The following MAP2K5 variants were observed in gnomAD, a reference collection of about 807,000 sequenced individuals.
MAP2K5 encodes mitogen-activated protein kinase kinase 5, also known as dual specificity mitogen-activated protein kinase kinase 5.
Under a neutral mutation model 83.1 loss-of-function variants are expected in MAP2K5, and 49 were observed. The ratio of observed to expected loss-of-function variants is 0.59; its 90% confidence interval spans 0.47 to 0.75. MAP2K5 has a LOEUF of 0.75. Ranked by LOEUF, MAP2K5 falls within the 30% of genes least tolerant of loss-of-function variation. MAP2K5 has a pLI of 0.00. For synonymous variants in MAP2K5, 202 were observed against 191.8 expected (o/e 1.05, Z -0.44); for missense variants, 457 against 557.5 (o/e 0.82, Z 1.82).
chr15:67,707,324 G>A (rs549793286), intron 16 of MAP2K5, among the ~76,000 whole-genome samples: 10 of 152,280 alleles, frequency 6.6e-5, no homozygotes, highest in Admixed American at 2.0e-4. Flanking sequence ...TGTTTTTACC[G>A]TAGTATGTTA....
chr15:67,664,488 G>T, intron 12 of MAP2K5, 109 bp from the exon 13 acceptor site: 1 of 659,036 alleles, frequency 1.5e-6, no homozygotes, highest in Non-Finnish European at 2.6e-6. Flanking sequence ...AGGTGACAGG[G>T]TGACACCCTG....
intron 8 of MAP2K5, among the ~76,000 whole-genome samples, chr15:67,608,537 G>T (rs1467823981): frequency 6.6e-6 from 1 of 152,158 alleles, no homozygotes; most frequent in South Asian, 2.1e-4. Flanking sequence ...GCACAGATCT[G>T]GGGGGCTGAG....
rs561270174 is a variant in MAP2K5, at chr15:67,543,279, C to G, written c.-57C>G. ...CCTTGTCACCTCTTGGAGCCCCCTC[C>G]TAACCAGCGGCCAGTGGGTTTCCCA... On this transcript the variant is annotated 5_prime_UTR_variant, in exon 1 of 22. Coordinates refer to ENST00000178640, the MANE Select transcript of MAP2K5 (RefSeq NM_145160.3). The surrounding 1 kb of genome is among the most constrained non-coding windows in gnomAD (Gnocchi z 4.3). 10 of 1,604,240 alleles carry G rather than the reference C, an allele frequency of 6.2e-6. No individual in the cohort carries two copies. The Admixed American group carries it at 1.7e-4, about 27-fold the overall frequency.
chr15:67,745,386 G>A (rs1879229962), intron 17 of MAP2K5, among the ~76,000 whole-genome samples: 1 of 152,146 alleles, frequency 6.6e-6, no homozygotes, highest in Non-Finnish European at 1.5e-5. Context: ...GAGGACCCTT[G>A]GTTCCACTTT....
At chr15:67,624,518 C>T (rs1247445506) in intron 8 of MAP2K5, among the ~76,000 whole-genome samples, 1 of 151,468 alleles carries the variant, frequency 6.6e-6, no homozygotes, top group Non-Finnish European at 1.5e-5. Context: ...AGGTCAGTAC[C>T]TTTGTAAGTT....
chr15:67,743,760 G>A (rs1328915606), intron 17 of MAP2K5, among the ~76,000 whole-genome samples: 1 of 152,196 alleles, frequency 6.6e-6, no homozygotes, highest in East Asian at 1.9e-4. Context: ...TAGATTGATT[G>A]CTGGTACCTA....
At chr15:67,667,687 A>G (rs2087418164) in intron 13 of MAP2K5, among the ~76,000 whole-genome samples, 3 of 152,182 alleles carry the variant, frequency 2.0e-5, no homozygotes, top group South Asian at 2.1e-4. Flanking sequence ...ACTTATGGGC[A>G]CAAATTTCAA....
intron 11 of MAP2K5, among the ~76,000 whole-genome samples, chr15:67,651,842 A>T (rs1415429721): frequency 6.6e-6 from 1 of 152,170 alleles, no homozygotes; most frequent in East Asian, 1.9e-4. Flanking sequence ...TATCTCTTCA[A>T]TTTACTGATT....
chr15:67,603,212 C>T (rs1168971925), intron 8 of MAP2K5, among the ~76,000 whole-genome samples: 2 of 152,208 alleles, frequency 1.3e-5, no homozygotes, highest in African/African-American at 2.4e-5. Context: ...CGAAACTCTG[C>T]ACCCATTAAA....
chr15:67,660,339 G>C (rs1053291527), intron 12 of MAP2K5, among the ~76,000 whole-genome samples: 2 of 151,930 alleles, frequency 1.3e-5, no homozygotes, highest in Non-Finnish European at 2.9e-5. Context: ...ATTTGTTGCA[G>C]CTGACAAACA....
intron 8 of MAP2K5, among the ~76,000 whole-genome samples, chr15:67,624,045 C>T (rs777242561): frequency 2.7e-5 from 4 of 150,834 alleles, no homozygotes; most frequent in Non-Finnish European, 4.4e-5. Flanking sequence ...ATGTTTAAGA[C>T]GTGGGAGAGC....
intron 15 of MAP2K5, among the ~76,000 whole-genome samples, chr15:67,701,126 C>T (rs1433322860): frequency 6.6e-6 from 1 of 151,738 alleles, no homozygotes; most frequent in Admixed American, 6.6e-5. Flanking sequence ...ACCTGTTAAT[C>T]AGTAGAATGA....
chr15:67,715,865 T>C (rs1239866596), intron 16 of MAP2K5, among the ~76,000 whole-genome samples: 4 of 152,192 alleles, frequency 2.6e-5, no homozygotes, highest in Non-Finnish European at 5.9e-5. Context: ...TGGATAGAAC[T>C]CTACACTTTC....
chr15:67,741,223 A>G (rs1367455008), intron 17 of MAP2K5, among the ~76,000 whole-genome samples: 2 of 152,176 alleles, frequency 1.3e-5, no homozygotes. Context: ...GGTGGAGAAT[A>G]GGAAATCATG....
intron 21 of MAP2K5, among the ~76,000 whole-genome samples, chr15:67,798,984 C>T (rs1359030561): frequency 6.6e-6 from 1 of 152,192 alleles, no homozygotes; most frequent in African/African-American, 2.4e-5. Flanking sequence ...GCCTGACCAA[C>T]ACGGTGAAAC....
chr15:67,677,700 C>G lies in MAP2K5; in HGVS notation c.847+13055C>G, dbSNP rs2087714087. On this transcript the variant is annotated intron_variant, in intron 13 of 21. Transcript: ENST00000178640. The surrounding 1 kb of genome is among the most constrained non-coding windows in gnomAD (Gnocchi z 4.2). ...AGACCTGGCTTTTCCTAAACACTGA[C>G]CAGAATATGTACACATCACAGGTAG... 6.6e-6 allele frequency among the ~76,000 whole-genome samples: 1 copy of G among 152,106 alleles called. No individual in the cohort carries two copies. The highest frequency in any genetic ancestry group is 2.1e-4 in the South Asian group (1 of 4,816).
At chr15:67,601,402 A>G (rs1461646148) in intron 8 of MAP2K5, among the ~76,000 whole-genome samples, 1 of 152,224 alleles carries the variant, frequency 6.6e-6, no homozygotes, top group African/African-American at 2.4e-5. Flanking sequence ...AAACTACATA[A>G]TGTAATATCT....
chr15:67,549,595 C>T (rs1473157275), intron 1 of MAP2K5, among the ~76,000 whole-genome samples: 1 of 152,112 alleles, frequency 6.6e-6, no homozygotes, highest in Admixed American at 6.5e-5. Flanking sequence ...TAAGTATTAC[C>T]AGACCCATTT....
At chr15:67,792,675 G>A (rs916391127) in intron 21 of MAP2K5, among the ~76,000 whole-genome samples, 1 of 152,118 alleles carries the variant, frequency 6.6e-6, no homozygotes, top group African/African-American at 2.4e-5. Context: ...TATGTCATTG[G>A]ATGTCATCCC....
Sources: allele counts gnomAD v4.1 joint callset (sites outside exome capture counted in the v4.1 genomes callset), GRCh38; gene constraint gnomAD v4.1.1; non-coding constraint Gnocchi (gnomAD v3.1); transcripts MANE v1.5; gene names NCBI Gene and HGNC (gene_info 2026-07-23, HGNC 2026-07-21).